Variants in RALGAPA2 observed in about 807,000 individuals in gnomAD.
RALGAPA2 encodes the protein ral GTPase-activating protein subunit alpha-2.
Under a neutral mutation model 230.4 loss-of-function variants are expected in RALGAPA2, and 139 were observed. That is an observed-to-expected ratio of 0.60 (90% CI 0.53 to 0.69). The LOEUF (loss-of-function observed/expected upper bound fraction) is 0.69, where lower values mean the gene tolerates loss of function less well. Ranked by LOEUF, RALGAPA2 falls within the 30% of genes least tolerant of loss-of-function variation. RALGAPA2 has a pLI of 0.00. For missense variants in RALGAPA2, 2,163 were observed against 2,276.0 expected, an observed-to-expected ratio of 0.95 and a Z score of 1.01; for synonymous variants, 847 against 837.8, an observed-to-expected ratio of 1.01 and a Z score of -0.19.
intron 4 of RALGAPA2, among the ~76,000 whole-genome samples, chr20:20,650,452 T>C (rs2067359313): frequency 6.6e-6 from 1 of 152,216 alleles, no homozygotes; most frequent in Non-Finnish European, 1.5e-5. Flanking sequence ...ACACTGTCAT[T>C]TGCAGTGTGG....
intron 7 of RALGAPA2, among the ~76,000 whole-genome samples, chr20:20,639,291 T>C (rs1402254767): frequency 2.0e-5 from 3 of 152,248 alleles, no homozygotes; most frequent in Admixed American, 6.5e-5. Context: ...CTAACTATTA[T>C]TCAGAAATCT....
intron 23 of RALGAPA2, among the ~76,000 whole-genome samples, chr20:20,554,101 A>G (rs1168551473): frequency 6.6e-6 from 1 of 152,154 alleles, no homozygotes; most frequent in Non-Finnish European, 1.5e-5. Flanking sequence ...TTAATTTGGG[A>G]GCATTTTCAT....
chr20:20,430,643 T>C (rs1006109505), intron 37 of RALGAPA2, among the ~76,000 whole-genome samples: 1 of 152,194 alleles, frequency 6.6e-6, no homozygotes, highest in Admixed American at 6.5e-5. Context: ...TCATCTCCAG[T>C]GAATATTAAA....
At chr20:20,419,458 G>C (rs1368307046) in intron 37 of RALGAPA2, among the ~76,000 whole-genome samples, 1 of 152,136 alleles carries the variant, frequency 6.6e-6, no homozygotes, top group Admixed American at 6.5e-5. Context: ...AGAGAAAGCA[G>C]AAAAGAGACA....
At chr20:20,445,782 A>C (rs543850911) in intron 37 of RALGAPA2, among the ~76,000 whole-genome samples, 1 of 152,212 alleles carries the variant, frequency 6.6e-6, no homozygotes, top group Non-Finnish European at 1.5e-5. Flanking sequence ...TATTTTTAGA[A>C]CTAGTATGTA....
chr20:20,623,680 T>C (rs1351542213), intron 10 of RALGAPA2, among the ~76,000 whole-genome samples: 1 of 152,150 alleles, frequency 6.6e-6, no homozygotes, highest in African/African-American at 2.4e-5. Context: ...GGATAATTTC[T>C]TCAGATTTGT....
intron 3 of RALGAPA2, among the ~76,000 whole-genome samples, chr20:20,663,790 C>G (rs1383208069): frequency 6.6e-6 from 1 of 152,160 alleles, no homozygotes; most frequent in Non-Finnish European, 1.5e-5. Context: ...CGAGGTTTCA[C>G]CCTGTTGGCC....
chr20:20,477,187 C>A (rs1229347145), intron 36 of RALGAPA2, among the ~76,000 whole-genome samples: 7 of 152,172 alleles, frequency 4.6e-5, no homozygotes, highest in Non-Finnish European at 1.0e-4. Flanking sequence ...TGTATACTTA[C>A]AATTTGTGTC....
intron 13 of RALGAPA2, among the ~76,000 whole-genome samples, chr20:20,611,833 T>C (rs1409731392): frequency 4.6e-5 from 7 of 152,218 alleles, no homozygotes; most frequent in African/African-American, 2.4e-5. Context: ...TCCCTCTCAT[T>C]GCAACAGGAG....
At chr20:20,476,671 C>A (rs1460133011) in intron 36 of RALGAPA2, among the ~76,000 whole-genome samples, 4 of 101,130 alleles carry the variant, frequency 4.0e-5, no homozygotes, top group Admixed American at 2.1e-4. Context: ...AGGCATAAAT[C>A]ATAAAATAAA....
chr20:20,595,723 G>A (rs1251836629), intron 16 of RALGAPA2, among the ~76,000 whole-genome samples: 1 of 152,160 alleles, frequency 6.6e-6, no homozygotes, highest in Admixed American at 6.5e-5. Context: ...GGAGGCCGAG[G>A]TGGGTAGATC....
intron 3 of RALGAPA2, among the ~76,000 whole-genome samples, chr20:20,669,813 G>A (rs753328461): frequency 1.3e-5 from 2 of 152,088 alleles, no homozygotes; most frequent in Non-Finnish European, 2.9e-5. Flanking sequence ...TCATGTTTCT[G>A]TGCCTTACCA....
At chr20:20,690,753 T>C (rs752426826) in intron 1 of RALGAPA2, among the ~76,000 whole-genome samples, 72 of 151,858 alleles carry the variant, frequency 4.7e-4, no homozygotes, top group Non-Finnish European at 8.2e-4. Context: ...TAAGATGAGA[T>C]AGGTGGCCCC....
intron 37 of RALGAPA2, among the ~76,000 whole-genome samples, chr20:20,427,785 A>T (rs929116500): frequency 2.7e-5 from 4 of 148,646 alleles, no homozygotes; most frequent in Non-Finnish European, 4.5e-5. Context: ...GGGAAAAAAG[A>T]TTTTTTTTTT....
intron 32 of RALGAPA2, among the ~76,000 whole-genome samples, chr20:20,511,690 T>G: frequency 6.6e-6 from 1 of 152,198 alleles, no homozygotes; most frequent in East Asian, 1.9e-4. Flanking sequence ...ATCCTCCCCT[T>G]TCCACAAAGT....
chr20:20,525,428 A>G (rs1193837207), intron 28 of RALGAPA2, among the ~76,000 whole-genome samples: 1 of 152,186 alleles, frequency 6.6e-6, no homozygotes, highest in African/African-American at 2.4e-5. Context: ...AGGTCACTTA[A>G]GGTCAAAAAT....
chr20:20,462,100 A>C (rs2061316072), intron 37 of RALGAPA2, among the ~76,000 whole-genome samples: 1 of 152,250 alleles, frequency 6.6e-6, no homozygotes, highest in Non-Finnish European at 1.5e-5. Context: ...CATTAGAAAA[A>C]ATAAGCTAAG....
chr20:20,540,063 T>G (rs1339072079), intron 24 of RALGAPA2, among the ~76,000 whole-genome samples: 1 of 152,252 alleles, frequency 6.6e-6, no homozygotes, highest in Non-Finnish European at 1.5e-5. Context: ...GCTGCTGCAC[T>G]GAACATGGGA....
intron 37 of RALGAPA2, among the ~76,000 whole-genome samples, chr20:20,450,503 A>C (rs2060962953): frequency 6.6e-6 from 1 of 152,272 alleles, no homozygotes; most frequent in Admixed American, 6.5e-5. Flanking sequence ...TGAAAGCTAT[A>C]TCATTTTGAT....
Sources: allele counts gnomAD v4.1 joint callset (sites outside exome capture counted in the v4.1 genomes callset), GRCh38; gene constraint gnomAD v4.1.1; transcripts MANE v1.5; gene names NCBI Gene and HGNC (gene_info 2026-07-23, HGNC 2026-07-21).